The following CENPF variants were observed in gnomAD, a reference collection of about 807,000 sequenced individuals.
CENPF encodes centromere protein F.
A neutral mutation model predicts 307.3 loss-of-function variants in CENPF; 214 were observed. The ratio of observed to expected loss-of-function variants is 0.70; its 90% CI spans 0.62 to 0.78. CENPF has a LOEUF of 0.78. Ranked by LOEUF, CENPF falls within the 30% of genes least tolerant of loss-of-function variation. The pLI, the probability that CENPF is intolerant of heterozygous loss-of-function variation, is 0.00. For synonymous variants in CENPF, 1,259 were observed against 1,270.6 expected (o/e 0.99, Z 0.19); for missense variants, 3,401 against 3,483.9 (o/e 0.98, Z 0.60).
Position 214,641,235 on chromosome 1 carries a change from A to G in CENPF, c.2897A>G (p.Lys966Arg). 5 of 1,603,068 alleles carry G rather than the reference A, an allele frequency of 3.1e-6. No individual in the cohort carries two copies. Among genetic ancestry groups the G allele is most frequent in the Non-Finnish European group, 4.2e-6 (5 of 1,177,126 alleles). Residue 966 changes from lysine to arginine, a missense_variant, in exon 12 of 20, where the codon AAA (lysine) becomes AGA (arginine). Transcript: ENST00000366955. ...KEMSSIISLN[K>R]REIEELTQEN... is the part of the protein sequence containing the mutation. ...ATGAGTTCCATCATTTCTCTAAATA[A>G]AAGGGAAATTGAAGAGCTGACCCAA...
intron 17 of CENPF, among the ~76,000 whole-genome samples, chr1:214,656,097 C>T (rs896505097): frequency 2.7e-4 from 41 of 152,050 alleles, no homozygotes; most frequent in African/African-American, 7.0e-4. Context: ...TCAGTCCATT[C>T]GTATGGGTCA....
Position 214,641,481 on chromosome 1 carries a change from A to G in CENPF, c.3143A>G (p.Glu1048Gly), listed in dbSNP as rs1351553927. 3.9e-6 allele frequency: 6 copies of G among 1,529,672 alleles called. No homozygotes were observed. The African/African-American group carries it at 7.0e-5, about 18-fold the overall frequency. The allele number at this position is 1,529,672 out of a possible 1,614,324, so 94.8% of individuals were successfully genotyped here. ...DLSQKYKAAQ[E>G]KNSKLECLLN... is the part of the protein sequence containing the mutation. The stretch of plus-strand genomic sequence containing the variant: ...AGTCAAAAATACAAAGCAGCACAGG[A>G]AAAGAATTCTAAATTAGAATGCTTG... Residue 1048 changes from glutamate to glycine, a missense_variant, in exon 12 of 20, where the codon GAA (glutamate) becomes GGA (glycine). Coordinates refer to ENST00000366955, the MANE Select transcript of CENPF (RefSeq NM_016343.4).
chr1:214,645,187 C>T lies in CENPF; in HGVS notation c.5617C>T (p.His1873Tyr), dbSNP rs764603414. Reference protein sequence around the residue: ...SEGLNSDLEMHADKSSREDIG... With the variant: ...SEGLNSDLEMYADKSSREDIG... The stretch of plus-strand genomic sequence containing the variant: ...AGGCCTCAATTCTGATTTAGAAATG[C>T]ATGCAGATAAATCATCACGTGAAGA... Residue 1873 changes from histidine to tyrosine, a missense_variant, in exon 13 of 20, where the codon CAT becomes TAT. Coordinates refer to ENST00000366955, the MANE Select transcript of CENPF (RefSeq NM_016343.4). 3.2e-5 allele frequency: 52 copies of T among 1,613,746 alleles called. No homozygotes were observed. The highest frequency in any genetic ancestry group is 4.1e-5 in the Non-Finnish European group (48 of 1,179,896).
intron 11 of CENPF, among the ~76,000 whole-genome samples, chr1:214,638,381 T>TTA (rs1408730278): frequency 6.6e-6 from 1 of 152,228 alleles, no homozygotes; most frequent in African/African-American, 2.4e-5. Context: ...ACCATTTCCC[T>TTA]TATAATGGAA....
intron 10 of CENPF, among the ~76,000 whole-genome samples, chr1:214,632,912 A>G (rs925761702): frequency 7.2e-5 from 11 of 152,040 alleles, no homozygotes; most frequent in African/African-American, 2.7e-4. Context: ...ATTGTTTTAG[A>G]CCCCCAGGGA....
At chr1:214,625,241 G>C (rs1490064888) in intron 7 of CENPF, among the ~76,000 whole-genome samples, 1 of 151,840 alleles carries the variant, frequency 6.6e-6, no homozygotes, top group East Asian at 1.9e-4. Flanking sequence ...TTGAGACGGA[G>C]TCTGGCTCTG....
intron 1 of CENPF, chr1:214,608,243 C>T: frequency 5.5e-6 from 8 of 1,464,578 alleles, no homozygotes; most frequent in Non-Finnish European, 7.4e-6. Flanking sequence ...CAGGGAAGCC[C>T]GCCCCCCGGC....
Position 214,651,715 on chromosome 1 carries a change from A to G in CENPF, c.7989A>G (p.Gln2663=), listed in dbSNP as rs775449051. ...LLEEIKSSKD[Q]LKELTLENSE... ...TTTATTATTTTTCTGTTTAGGATCAATTGAAGGAGCTCACACTAGAAAATA... is the reference window on the plus strand; with the variant it reads ...TTTATTATTTTTCTGTTTAGGATCAGTTGAAGGAGCTCACACTAGAAAATA... Residue 2663 remains glutamine, a synonymous_variant, in exon 15 of 20, where the codon CAA becomes CAG. Transcript: ENST00000366955. 1.0e-5 allele frequency: 16 copies of G among 1,580,796 alleles called. No individual in the cohort carries two copies. The highest frequency in any genetic ancestry group is 1.4e-5 in the Non-Finnish European group (16 of 1,170,076).
rs1156517880 is a variant in CENPF at position 214,646,775 on chromosome 1, A to T, written c.7205A>T (p.Gln2402Leu). ...SEKENLTNEL[Q>L]KEQERISELE... ...AAAGAAAATCTGACAAATGAATTAC[A>T]AAAAGAGCAAGAGCGAATATCTGAA... The change falls in exon 13 of 20, where the codon CAA becomes CTA. Residue 2402 changes from glutamine (Q) to leucine (L), a missense_variant. Coordinates refer to ENST00000366955, the MANE Select transcript of CENPF (RefSeq NM_016343.4). 1.2e-6 allele frequency: 2 copies of T among 1,612,548 alleles called. No homozygotes were observed. The highest frequency in any genetic ancestry group is 4.5e-5 in the East Asian group (2 of 44,888).
Position 214,651,874 on chromosome 1 carries a change from CACAA to C in CENPF, c.8156_8159del (p.Lys2719SerfsTer4), listed in dbSNP as rs1289831529. On this transcript the variant is annotated frameshift_variant, in exon 15 of 20. Transcript: ENST00000366955. LOFTEE classifies it high-confidence loss of function. The stretch of plus-strand genomic sequence containing the variant: ...AGAAACACCAGGCTTTGCTTTTGGA[CACAA>C]ACAAACAGGTGAAATGTGGGGTTTG... The C allele has an allele frequency of 3.7e-6, 6 of 1,602,922 alleles. No homozygotes were observed. Among genetic ancestry groups the C allele is most frequent in the Middle Eastern group, 1.7e-4 (1 of 6,000 alleles).
chr1:214,655,434 C>T (rs767376355), intron 17 of CENPF, 31 bp downstream of exon 17: 2 of 1,532,768 alleles, frequency 1.3e-6, no homozygotes, highest in South Asian at 2.7e-5. Flanking sequence ...ATCAACTAGC[C>T]AGAACTCTTT....
At position 214,641,293 on chromosome 1, in the gene CENPF, C is replaced by A; in HGVS notation, c.2955C>A (p.Ser985=). Residue 985 remains serine (S), a synonymous_variant, in exon 12 of 20, where the codon TCC becomes TCA. Transcript: ENST00000366955. ...ENGTLKEINA[S]LNQEKMNLIQ... ...GGACTCTTAAGGAAATTAATGCATC[C>A]TTAAATCAAGAGAAGATGAACTTAA... 1 of 1,607,820 alleles carries A rather than the reference C, an allele frequency of 6.2e-7. No individual in the cohort carries two copies. Among genetic ancestry groups the A allele is most frequent in the South Asian group, 1.1e-5 (1 of 89,162 alleles).
Position 214,645,781 on chromosome 1 carries a change from G to A in CENPF, c.6211G>A (p.Glu2071Lys). The part of the protein sequence containing the change: ...LNKEKELLVK[E>K]SESLQARLSE... Reference sequence around the variant, plus strand: ...TAAAGAGAAAGAATTGCTTGTCAAGGAATCTGAAAGCCTGCAGGCCAGACT... The same window carrying A: ...TAAAGAGAAAGAATTGCTTGTCAAGAAATCTGAAAGCCTGCAGGCCAGACT... The change falls in exon 13 of 20, where the codon GAA becomes AAA. Residue 2071 changes from glutamate to lysine, a missense_variant. Physicochemically the swap from Glu to Lys is moderately conservative, Grantham distance 56. Transcript: ENST00000366955. 6.2e-7 allele frequency: 1 copy of A among 1,614,148 alleles called. No individual in the cohort carries two copies. The highest frequency in any genetic ancestry group is 8.5e-7 in the Non-Finnish European group (1 of 1,180,018).
At chr1:214,616,901 CTTT>C (rs1657368109) in intron 3 of CENPF, among the ~76,000 whole-genome samples, 1 of 70,476 alleles carries the variant, frequency 1.4e-5, no homozygotes, top group Admixed American at 1.4e-4. Flanking sequence ...TTCTTTCTTT[CTTT>C]CTTTCTTTCT....
intron 1 of CENPF, among the ~76,000 whole-genome samples, chr1:214,609,182 C>T (rs1657132708): frequency 6.6e-6 from 1 of 152,192 alleles, no homozygotes; most frequent in Admixed American, 6.5e-5. Flanking sequence ...CCTCCTGCAT[C>T]GCCACCGCCG....
Position 214,641,949 on chromosome 1 carries a change from ATAGT to A in CENPF, c.3614_3617del (p.Ser1205IlefsTer8). Reference sequence around the variant, plus strand: ...CTTGAAGTTAAAGAAATTTCTCTAGATAGTTATAATGCGCAGTTGGTGCAATTAG... The same window carrying A: ...CTTGAAGTTAAAGAAATTTCTCTAGATATAATGCGCAGTTGGTGCAATTAG... On this transcript the variant is annotated frameshift_variant, in exon 12 of 20. Transcript: ENST00000366955. LOFTEE classifies it high-confidence loss of function. 1.3e-6 allele frequency: 2 copies of A among 1,591,022 alleles called. No homozygotes were observed. Among genetic ancestry groups the A allele is most frequent in the South Asian group, 2.3e-5 (2 of 85,926 alleles).
chr1:214,617,943 C>T (rs1320244138), intron 3 of CENPF, among the ~76,000 whole-genome samples: 1 of 152,136 alleles, frequency 6.6e-6, no homozygotes, highest in Non-Finnish European at 1.5e-5. Context: ...ACTGCCTGAG[C>T]CTGGGTAAAT....
At chr1:214,604,444 C>T (rs562802983) in intron 1 of CENPF, among the ~76,000 whole-genome samples, 1 of 152,100 alleles carries the variant, frequency 6.6e-6, no homozygotes, top group Non-Finnish European at 1.5e-5. Context: ...GATAGCTGAT[C>T]CCTTAATGGG....
intron 1 of CENPF, chr1:214,613,079 A>C (rs1474029033): frequency 1.2e-5 from 4 of 330,306 alleles, no homozygotes; most frequent in Non-Finnish European, 2.3e-5. Context: ...CCATTTTGCT[A>C]GCACTGATAT....
Sources: allele counts gnomAD v4.1 joint callset (sites outside exome capture counted in the v4.1 genomes callset), GRCh38; gene constraint gnomAD v4.1.1; transcripts MANE v1.5; gene names NCBI Gene and HGNC (gene_info 2026-07-23, HGNC 2026-07-21).